The following LRRC17 variants were observed in gnomAD, a reference collection of about 807,000 sequenced individuals.
LRRC17 encodes the protein leucine-rich repeat-containing protein 17.
In LRRC17, 33 loss-of-function variants were observed where a neutral mutation model predicts 41.5. That is an observed-to-expected ratio of 0.80 (90% CI 0.60 to 1.06). LRRC17 has a LOEUF of 1.06. Among genes scored for constraint, LRRC17 ranks in the 50% least tolerant of loss-of-function variants. The probability of loss-of-function intolerance (pLI) is 0.00; values close to 1 mark genes in which losing one functional copy is unlikely to be tolerated. For synonymous variants in LRRC17, 192 were observed against 197.0 expected, an observed-to-expected ratio of 0.97 and a Z score of 0.21; for missense variants, 491 against 519.3, an observed-to-expected ratio of 0.95 and a Z score of 0.53.
At chr7:102,927,090 A>G (rs1418928209) in intron 1 of LRRC17, among the ~76,000 whole-genome samples, 1 of 152,216 alleles carries the variant, frequency 6.6e-6, no homozygotes, top group African/African-American at 2.4e-5. Flanking sequence ...AGAGACAGAA[A>G]AACAGAGGTT....
chr7:102,937,397 C>A (rs576789826), intron 2 of LRRC17, among the ~76,000 whole-genome samples: 28 of 149,048 alleles, frequency 1.9e-4, no homozygotes, highest in Middle Eastern at 3.5e-3. Context: ...ATCCCACCTA[C>A]TTGGGAGGCT....
At chr7:102,939,261 T>C (rs1433545833) in intron 2 of LRRC17, among the ~76,000 whole-genome samples, 169 bp from the exon 3 acceptor site, 1 of 152,234 alleles carries the variant, frequency 6.6e-6, no homozygotes, top group Non-Finnish European at 1.5e-5. Flanking sequence ...TGGGCTTTGA[T>C]GGAATTTAGC....
intron 1 of LRRC17, among the ~76,000 whole-genome samples, chr7:102,931,567 G>C (rs1184598659): frequency 6.6e-6 from 1 of 152,166 alleles, no homozygotes; most frequent in African/African-American, 2.4e-5. Flanking sequence ...AAGATAAAAT[G>C]AGCCTATCAT....
chr7:102,943,406 C>T (rs1205958843), intron 3 of LRRC17, among the ~76,000 whole-genome samples: 2 of 149,940 alleles, frequency 1.3e-5, no homozygotes, highest in East Asian at 3.9e-4. Flanking sequence ...TCTAGTAAAA[C>T]TAATCAAGGG....
At chr7:102,913,361 C>G in intron 1 of LRRC17, 1 of 927,082 alleles carries the variant, frequency 1.1e-6, no homozygotes, top group Non-Finnish European at 1.6e-6. Context: ...AACTCTCTAC[C>G]TGTTAATTAA....
chr7:102,935,295 A>G (rs1229114846), intron 2 of LRRC17, among the ~76,000 whole-genome samples: 1 of 114,198 alleles, frequency 8.8e-6, no homozygotes, highest in Non-Finnish European at 1.6e-5. Flanking sequence ...TCTGATGCCC[A>G]GGCTGGAGTG....
Position 102,944,229 on chromosome 7 carries a change from A to C in LRRC17, c.948A>C (p.Thr316=), listed in dbSNP as rs1822026727. The C allele has an allele frequency of 6.2e-7, 1 of 1,608,438 alleles. No individual in the cohort carries two copies. The highest frequency in any genetic ancestry group is 2.2e-5 in the East Asian group (1 of 44,838). The change falls in exon 4 of 4, where the codon ACA becomes ACC. Residue 316 remains threonine (T), a synonymous_variant. Coordinates refer to ENST00000339431, the MANE Select transcript of LRRC17 (RefSeq NM_001031692.3). The part of the protein sequence containing the change: ...FIDPAAFLGL[T]HLEELDLSNN... ...TTCCAGCCGCTTTTTTAGGGCTCAC[A>C]CATTTAGAAGAATTAGATTTATCAA...
At position 102,934,543 on chromosome 7, in the gene LRRC17, G is replaced by C; in HGVS notation, c.630G>C (p.Gln210His). The change falls in exon 2 of 4, where the codon CAG becomes CAC. Residue 210 changes from glutamine (Q) to histidine (H), a missense_variant. By Grantham distance (24) the Gln-to-His change is conservative. Coordinates refer to ENST00000339431, the MANE Select transcript of LRRC17 (RefSeq NM_001031692.3). Reference sequence around the variant, plus strand: ...AACTGCGGCAGATAAAATCTGAACAGTTGTGTAATGAAGAAGAAAAGGAAC... The same window carrying C: ...AACTGCGGCAGATAAAATCTGAACACTTGTGTAATGAAGAAGAAAAGGAAC... ...NKKLRQIKSE[Q>H]LCNEEEKEQL... The C allele has an allele frequency of 1.3e-6, 2 of 1,534,954 alleles. No individual in the cohort carries two copies. Among genetic ancestry groups the C allele is most frequent in the South Asian group, 2.2e-5 (2 of 89,080 alleles).
At chr7:102,920,116 C>T (rs1816694062) in intron 1 of LRRC17, among the ~76,000 whole-genome samples, 2 of 152,112 alleles carry the variant, frequency 1.3e-5, no homozygotes, top group African/African-American at 4.8e-5. Context: ...TCACTGTGTA[C>T]CACAGGAGTA....
chr7:102,924,070 C>G (rs1817595211), intron 1 of LRRC17, among the ~76,000 whole-genome samples: 1 of 151,840 alleles, frequency 6.6e-6, no homozygotes, highest in African/African-American at 2.4e-5. Flanking sequence ...AGAAACCCCT[C>G]TCTACTAAAA....
chr7:102,918,005 A>G (rs1025206863), intron 1 of LRRC17, among the ~76,000 whole-genome samples: 2 of 152,198 alleles, frequency 1.3e-5, no homozygotes, highest in Admixed American at 6.5e-5. Flanking sequence ...AAGCTGGCAA[A>G]TCATTGTTGC....
At chr7:102,935,242 C>CTTT (rs71106700) in intron 2 of LRRC17, among the ~76,000 whole-genome samples, 37 of 76,418 alleles carry the variant, frequency 4.8e-4, no homozygotes, top group African/African-American at 1.1e-3. Context: ...TTTTTTCTTT[C>CTTT]TTTTTTTTTT....
intron 1 of LRRC17, among the ~76,000 whole-genome samples, chr7:102,924,988 A>G (rs1817834037): frequency 6.6e-6 from 1 of 152,238 alleles, no homozygotes; most frequent in South Asian, 2.1e-4. Context: ...TAAAAAAGCT[A>G]TATTCTCAAA....
chr7:102,944,212 G>A lies in LRRC17; in HGVS notation c.931G>A (p.Ala311Thr), dbSNP rs772819649. ...SNGIEFIDPAAFLGLTHLEEL... is the reference protein window; with the variant it reads ...SNGIEFIDPATFLGLTHLEEL... The stretch of plus-strand genomic sequence containing the variant: ...CAATAAATATTTTCTGTTTCCAGCC[G>A]CTTTTTTAGGGCTCACACATTTAGA... The change falls in exon 4 of 4, where the codon GCT becomes ACT. Residue 311 changes from alanine (A) to threonine (T), a missense_variant and splice_region_variant. Transcript: ENST00000339431. The A allele has an allele frequency of 1.3e-5, 21 of 1,598,192 alleles. No homozygotes were observed. Among genetic ancestry groups the A allele is most frequent in the African/African-American group, 5.4e-5 (4 of 73,966 alleles).
intron 1 of LRRC17, among the ~76,000 whole-genome samples, chr7:102,922,845 G>A (rs1302935580): frequency 1.3e-5 from 2 of 152,122 alleles, no homozygotes; most frequent in Non-Finnish European, 2.9e-5. Flanking sequence ...GGGTGTGGTG[G>A]TGGGTGCCTG....
intron 1 of LRRC17, among the ~76,000 whole-genome samples, chr7:102,920,987 A>C (rs1039643398): frequency 6.6e-6 from 1 of 152,020 alleles, no homozygotes; most frequent in African/African-American, 2.4e-5. Flanking sequence ...CCCTGTCGCT[A>C]CTAAAAATAC....
intron 1 of LRRC17, among the ~76,000 whole-genome samples, chr7:102,927,502 A>G (rs2129472253): frequency 6.6e-6 from 1 of 152,356 alleles, no homozygotes; most frequent in East Asian, 1.9e-4. Flanking sequence ...TATTTCCAGT[A>G]GTCATGGATT....
intron 2 of LRRC17, among the ~76,000 whole-genome samples, chr7:102,937,655 G>A (rs543729314): frequency 3.2e-4 from 49 of 152,110 alleles, no homozygotes; most frequent in African/African-American, 1.2e-3. Flanking sequence ...AAATTCAAAG[G>A]GAAGAGTCTT....
intron 3 of LRRC17, among the ~76,000 whole-genome samples, chr7:102,941,314 G>C (rs111870147): frequency 4.9e-4 from 74 of 152,254 alleles, no homozygotes; most frequent in African/African-American, 1.7e-3. Flanking sequence ...CCAGGGTACA[G>C]GGTAAAGAAT....
Sources: allele counts gnomAD v4.1 joint callset (sites outside exome capture counted in the v4.1 genomes callset), GRCh38; gene constraint gnomAD v4.1.1; transcripts MANE v1.5; gene names NCBI Gene and HGNC (gene_info 2026-07-23, HGNC 2026-07-21).